The following OR51B5 variants were observed in gnomAD, a reference collection of about 807,000 sequenced individuals.
OR51B5 encodes olfactory receptor 51B5.
For missense variants in OR51B5, 456 were observed against 374.6 expected (o/e 1.22, Z -1.79); for synonymous variants, 186 against 144.8 (o/e 1.28, Z -2.04).
At chr11:5,466,904 G>A (rs1260665936) in intron 1 of OR51B5, among the ~76,000 whole-genome samples, 3 of 152,220 alleles carry the variant, frequency 2.0e-5, no homozygotes, top group Admixed American at 6.5e-5. Context: ...TTTAGCTGTT[G>A]CATCACTTTC....
intron 1 of OR51B5, among the ~76,000 whole-genome samples, chr11:5,473,877 G>GTGTGTGTGTGTGTT (rs1157779020): frequency 6.7e-6 from 1 of 149,990 alleles, no homozygotes; most frequent in South Asian, 2.1e-4. Context: ...GTGTGTGTGT[G>GTGTGTGTGTGTGTT]TGTAAATGTG....
At chr11:5,343,306 C>G in exon 1 of OR51B5, 1 of 1,609,842 alleles carries the variant, frequency 6.2e-7, no homozygotes, top group Non-Finnish European at 8.5e-7. Context: ...GCATTGTGGT[C>G]AGGGCCAGCC....
At chr11:5,372,166 A>G (rs1408350992) in intron 1 of OR51B5, among the ~76,000 whole-genome samples, 1 of 152,182 alleles carries the variant, frequency 6.6e-6, no homozygotes, top group South Asian at 2.1e-4. Context: ...CTGTTCATCT[A>G]TATATAGATA....
chr11:5,429,257 A>G (rs777035559), intron 1 of OR51B5, among the ~76,000 whole-genome samples: 4 of 152,036 alleles, frequency 2.6e-5, no homozygotes, highest in Non-Finnish European at 5.9e-5. Context: ...TTGAGTAATA[A>G]CTCCATCTCC....
At chr11:5,342,750 T>C in exon 1 of OR51B5, 1 of 1,613,768 alleles carries the variant, frequency 6.2e-7, no homozygotes, top group East Asian at 2.2e-5. Flanking sequence ...AAACGATGAA[T>C]CAGAGACAAT....
chr11:5,378,682 A>C (rs1474568240), intron 1 of OR51B5, among the ~76,000 whole-genome samples: 1 of 152,228 alleles, frequency 6.6e-6, no homozygotes, highest in Non-Finnish European at 1.5e-5. Context: ...AAAAGAAAAC[A>C]TTTATGCAAC....
At chr11:5,412,821 A>C (rs1301494432) in intron 1 of OR51B5, among the ~76,000 whole-genome samples, 2 of 152,028 alleles carry the variant, frequency 1.3e-5, no homozygotes, top group Non-Finnish European at 1.5e-5. Context: ...ACCACAGCTC[A>C]AGGAGGCCTG....
intron 1 of OR51B5, among the ~76,000 whole-genome samples, chr11:5,482,716 C>G: frequency 1.2e-5 from 1 of 83,936 alleles, no homozygotes; most frequent in Middle Eastern, 4.9e-3. Flanking sequence ...AGACACTTCT[C>G]AAAAGAAGAC....
exon 1 of OR51B5, chr11:5,342,839 C>T: frequency 6.2e-7 from 1 of 1,613,254 alleles, no homozygotes; most frequent in South Asian, 1.1e-5. Flanking sequence ...CCTCTCCTCT[C>T]TGGAGGCAAT....
intron 1 of OR51B5, chr11:5,440,431 A>T (rs775596994): frequency 1.0e-4 from 61 of 599,648 alleles, no homozygotes; most frequent in Admixed American, 3.3e-4. Context: ...GCCATTTTAT[A>T]GTCAAATATT....
chr11:5,379,526 C>T (rs1048380048), intron 1 of OR51B5, among the ~76,000 whole-genome samples: 1 of 150,814 alleles, frequency 6.6e-6, no homozygotes, highest in South Asian at 2.1e-4. Flanking sequence ...TTCAGGTTTC[C>T]GTTGTTTCCT....
chr11:5,440,379 C>G (rs1850659551), intron 1 of OR51B5, among the ~76,000 whole-genome samples: 2 of 152,196 alleles, frequency 1.3e-5, no homozygotes, highest in South Asian at 4.1e-4. Flanking sequence ...CTAGTAGCAA[C>G]TAGCACAATA....
chr11:5,422,556 C>T (rs376841225), intron 1 of OR51B5: 5 of 1,614,160 alleles, frequency 3.1e-6, no homozygotes, highest in Non-Finnish European at 4.2e-6. Flanking sequence ...GTCCTCCTGG[C>T]TATGTCCGTT....
At chr11:5,391,313 A>C (rs11037193) in intron 1 of OR51B5, 3 of 152,180 alleles carry the variant, frequency 2.0e-5, no homozygotes, top group Admixed American at 6.5e-5. Flanking sequence ...TCCAATGGTA[A>C]AGCACCAAAT....
intron 1 of OR51B5, among the ~76,000 whole-genome samples, chr11:5,483,884 G>A (rs1288078213): frequency 6.6e-6 from 1 of 152,026 alleles, no homozygotes; most frequent in African/African-American, 2.4e-5. Flanking sequence ...ACTGAGAAAG[G>A]ACAAGACATT....
At position 5,441,323 on chromosome 11, in the gene OR51B5, G is replaced by C. The variant is rs148172421; in HGVS notation, n.84+64246C>G. The C allele has an allele frequency of 2.8e-3, 4,534 of 1,613,966 alleles. 39 individuals are homozygous for C. The highest frequency in any genetic ancestry group is 0.023 in the Middle Eastern group (139 of 6,058). ...GATCATTGAGAGCGAGCATAGAGAG[G>C]AAGTAGTACATGGGCTGATGCAGAG... On this transcript the variant is annotated intron_variant and non_coding_transcript_variant, in intron 1 of 4. Transcript: ENST00000415970.
At chr11:5,422,035 G>T (rs1042465171) in intron 1 of OR51B5, 6 of 604,498 alleles carry the variant, frequency 9.9e-6, no homozygotes, top group Non-Finnish European at 1.7e-5. Flanking sequence ...CTAAGGAAAG[G>T]ATATCATATA....
chr11:5,374,667 C>G (rs1003192436), intron 1 of OR51B5, among the ~76,000 whole-genome samples: 2 of 152,018 alleles, frequency 1.3e-5, no homozygotes, highest in Non-Finnish European at 1.5e-5. Context: ...AGCCAAGGCT[C>G]GAGAATGACG....
intron 1 of OR51B5, among the ~76,000 whole-genome samples, chr11:5,373,948 G>T (rs1381041824): frequency 3.3e-5 from 5 of 152,178 alleles, no homozygotes; most frequent in African/African-American, 1.2e-4. Flanking sequence ...AGACTTAAAT[G>T]TCCCTGTCTG....
Sources: allele counts gnomAD v4.1 joint callset (sites outside exome capture counted in the v4.1 genomes callset), GRCh38; gene constraint gnomAD v4.1.1; transcripts MANE v1.5; gene names NCBI Gene and HGNC (gene_info 2026-07-23, HGNC 2026-07-21).